NREP: variants seen among roughly 807,000 people sequenced by gnomAD.
NREP encodes the protein neuronal regeneration related protein, also known as neuronal regeneration-related protein.
In NREP, 5 loss-of-function variants were observed where a neutral mutation model predicts 8.6. The ratio of observed to expected loss-of-function variants is 0.58; its 90% CI spans 0.30 to 1.22. The LOEUF is 1.22. NREP is among the 50% of genes most tolerant of loss of function. NREP has a pLI of 0.07. For synonymous variants in NREP, 27 were observed against 28.0 expected, an observed-to-expected ratio of 0.96 and a Z score of 0.11; for missense variants, 86 against 82.5, an observed-to-expected ratio of 1.04 and a Z score of -0.17.
At chr5:111,765,126 G>C (rs1249858311) in intron 2 of NREP, among the ~76,000 whole-genome samples, 1 of 152,160 alleles carries the variant, frequency 6.6e-6, no homozygotes, top group Non-Finnish European at 1.5e-5. Context: ...AAGGTTGGGG[G>C]TATGGTTTTG....
At chr5:111,819,402 C>G (rs991640242) in intron 2 of NREP, among the ~76,000 whole-genome samples, 6 of 152,094 alleles carry the variant, frequency 3.9e-5, no homozygotes, top group Non-Finnish European at 5.9e-5. Context: ...GAATAAGAAC[C>G]CCTTCCCCTC....
intron 2 of NREP, among the ~76,000 whole-genome samples, chr5:111,821,918 A>T (rs904142603): frequency 6.6e-5 from 10 of 152,156 alleles, no homozygotes; most frequent in Non-Finnish European, 1.3e-4. Context: ...TTGCAGTAAT[A>T]TTACGTAGAA....
intron 2 of NREP, among the ~76,000 whole-genome samples, chr5:111,826,168 A>T (rs1581144988): frequency 6.6e-6 from 1 of 152,254 alleles, no homozygotes; most frequent in Middle Eastern, 3.4e-3. Flanking sequence ...TCCACCAATC[A>T]GTGCTTTGTG....
chr5:111,792,956 C>A (rs1751785782), intron 2 of NREP, among the ~76,000 whole-genome samples: 1 of 152,000 alleles, frequency 6.6e-6, no homozygotes, highest in Non-Finnish European at 1.5e-5. Context: ...TCTAGTTTTT[C>A]TGGCTTTTGG....
At chr5:111,849,369 A>G (rs1753255725) in intron 2 of NREP, among the ~76,000 whole-genome samples, 1 of 152,100 alleles carries the variant, frequency 6.6e-6, no homozygotes, top group African/African-American at 2.4e-5. Context: ...AGGCTGTGTG[A>G]GGGAGGAGAG....
At chr5:111,922,506 G>T (rs572671320) in intron 2 of NREP, among the ~76,000 whole-genome samples, 1 of 152,230 alleles carries the variant, frequency 6.6e-6, no homozygotes, top group South Asian at 2.1e-4. Flanking sequence ...TGGCATATGG[G>T]TGAAGTCTAT....
intron 2 of NREP, among the ~76,000 whole-genome samples, chr5:111,765,201 TC>T (rs887380835): frequency 1.3e-5 from 2 of 152,140 alleles, no homozygotes; most frequent in Non-Finnish European, 2.9e-5. Flanking sequence ...ACAAGCTAGA[TC>T]CCTCATTTGT....
At chr5:111,913,118 A>G (rs1754959173) in intron 2 of NREP, among the ~76,000 whole-genome samples, 1 of 152,052 alleles carries the variant, frequency 6.6e-6, no homozygotes, top group South Asian at 2.1e-4. Context: ...AGTTGAAGGT[A>G]AGTGTTAGTA....
At position 111,764,098 on chromosome 5, in the gene NREP, C is replaced by T. The variant is rs1751026786; in HGVS notation, c.136-28591G>A. Among the ~76,000 whole-genome samples, 3 of 152,304 alleles carry T rather than the reference C, an allele frequency of 2.0e-5. 1 individual carries two copies. The highest frequency in any genetic ancestry group is 4.1e-4 in the South Asian group (2 of 4,824). On this transcript the variant is annotated intron_variant, in intron 2 of 3. Transcript: ENST00000395634. ...ATAATTTTGAAGTTAACTTAAGCAT[C>T]TTGACAGCTAGGCAAAATACTATCC...
At chr5:111,880,730 C>CTTT (rs140190021) in intron 2 of NREP, among the ~76,000 whole-genome samples, 20 of 92,186 alleles carry the variant, frequency 2.2e-4, no homozygotes, top group African/African-American at 5.0e-4. Context: ...GAACATAAGC[C>CTTT]TTTTTTTTTT....
intron 2 of NREP, among the ~76,000 whole-genome samples, chr5:111,911,240 A>G (rs1754904980): frequency 6.6e-6 from 1 of 152,140 alleles, no homozygotes; most frequent in Non-Finnish European, 1.5e-5. Context: ...ATCTGCATCC[A>G]GAGTTCTGGA....
At chr5:111,794,149 A>G (rs1561668922) in intron 2 of NREP, among the ~76,000 whole-genome samples, 2 of 152,240 alleles carry the variant, frequency 1.3e-5, no homozygotes, top group Admixed American at 1.3e-4. Context: ...ACAATGCCAA[A>G]ATCTAAAACA....
chr5:111,770,628 C>T (rs116825085), intron 2 of NREP, among the ~76,000 whole-genome samples: 1,342 of 130,314 alleles, frequency 0.01, 17 homozygotes, highest in East Asian at 0.056. Flanking sequence ...TGGAGTACAG[C>T]GAAACAATCA....
chr5:111,808,246 C>T (rs1274808103), intron 2 of NREP, among the ~76,000 whole-genome samples: 1 of 152,228 alleles, frequency 6.6e-6, no homozygotes, highest in Non-Finnish European at 1.5e-5. Flanking sequence ...ATTTCTCACA[C>T]TTACTCTAAT....
At chr5:111,845,386 T>A (rs1753137593) in intron 2 of NREP, among the ~76,000 whole-genome samples, 1 of 152,128 alleles carries the variant, frequency 6.6e-6, no homozygotes, top group African/African-American at 2.4e-5. Context: ...AATTGATGTT[T>A]CTGTGAGGGG....
At chr5:111,852,346 G>A (rs997121011) in intron 2 of NREP, among the ~76,000 whole-genome samples, 3 of 151,988 alleles carry the variant, frequency 2.0e-5, no homozygotes, top group South Asian at 4.2e-4. Flanking sequence ...TCAGTATTAC[G>A]CTGCTGCCTT....
intron 2 of NREP, among the ~76,000 whole-genome samples, chr5:111,788,531 C>T (rs778804192): frequency 3.3e-5 from 5 of 152,160 alleles, no homozygotes; most frequent in Non-Finnish European, 5.9e-5. Flanking sequence ...TCAGAACTGA[C>T]TGGGAAGAAC....
chr5:111,797,699 A>G (rs1238394121), intron 2 of NREP, among the ~76,000 whole-genome samples: 1 of 152,176 alleles, frequency 6.6e-6, no homozygotes, highest in African/African-American at 2.4e-5. Context: ...GCTAAACAAG[A>G]TAATTGAAAT....
rs534262670 is a variant in NREP, at chr5:111,927,192, C to T, written c.135+48082G>A. Among the ~76,000 whole-genome samples, 12 of 152,150 alleles carry T rather than the reference C, an allele frequency of 7.9e-5. No individual in the cohort carries two copies. The East Asian group carries it at 1.2e-3, about 15-fold the overall frequency. On this transcript the variant is annotated intron_variant, in intron 2 of 3. Transcript: ENST00000395634. ...TGTGTGGTGGGGGAGCCCTCTCCTGCGCCACTGAGGCCTGACTAGCTACCT... is the reference window on the plus strand; with the variant it reads ...TGTGTGGTGGGGGAGCCCTCTCCTGTGCCACTGAGGCCTGACTAGCTACCT...
Sources: gnomAD v4.1 joint callset for allele counts (sites outside exome capture counted in the v4.1 genomes callset) on GRCh38, gnomAD v4.1.1 for gene constraint, MANE v1.5 for transcripts, NCBI Gene and HGNC (gene_info 2026-07-23, HGNC 2026-07-21) for gene names.